Variants in GTPBP4 observed in about 807,000 individuals in gnomAD.
GTPBP4 encodes GTP binding protein 4, also known as GTP-binding protein 4.
In GTPBP4, 15 loss-of-function variants were observed where a neutral mutation model predicts 81.7. The ratio of observed to expected loss-of-function variants is 0.18; its 90% CI spans 0.12 to 0.28. The LOEUF is 0.28. GTPBP4 is among the 10% of genes least tolerant of loss of function. The pLI is 1.00. For synonymous variants in GTPBP4, 272 were observed against 274.6 expected, an observed-to-expected ratio of 0.99 and a Z score of 0.09; for missense variants, 847 against 793.8, an observed-to-expected ratio of 1.07 and a Z score of -0.81.
chr10:1,010,611 C>A lies in GTPBP4; in HGVS notation c.1344+91C>A, dbSNP rs529950495. 9.2e-5 allele frequency: 72 copies of A among 782,792 alleles called. No individual in the cohort carries two copies. The South Asian group carries it at 9.4e-4, about 10-fold the overall frequency. 48.5% of individuals were successfully genotyped at this position (782,792 alleles called of 1,614,324 possible). On this transcript the variant is annotated intron_variant, in intron 13 of 16. Transcript: ENST00000360803. ...GCAGCATGGCTTCGGCTCAGCTGGG[C>A]CTGTCCGCTTCATTCTGCACCCCTC...
chr10:1,013,177 T>A (rs546909192), intron 14 of GTPBP4, among the ~76,000 whole-genome samples: 96 of 151,450 alleles, frequency 6.3e-4, no homozygotes, highest in Middle Eastern at 3.4e-3. Flanking sequence ...GGAGATGGGG[T>A]TTCACCATGT....
rs980939876 is a variant in GTPBP4 at position 1,019,398 on chromosome 10, A to G, written c.*2171A>G. 1 of 672,322 alleles carries G rather than the reference A, an allele frequency of 1.5e-6. No homozygotes were observed. Among genetic ancestry groups the G allele is most frequent in the Admixed American group, 3.0e-5 (1 of 33,690 alleles). The allele number at this position is 672,322 out of a possible 1,614,324, so 41.6% of individuals were successfully genotyped here. A position where few individuals can be genotyped will look rare whatever the true frequency, so the allele number is the denominator to read the frequency against. On this transcript the variant is annotated 3_prime_UTR_variant, in exon 17 of 17. Coordinates refer to ENST00000360803, the MANE Select transcript of GTPBP4 (RefSeq NM_012341.3). ...AAAAGGTTGAAATAGTGATTTATAC[A>G]TGATGGGCAATCAAGTGCCCCTTTT... is the stretch of plus-strand genomic sequence containing the variant.
intron 6 of GTPBP4, among the ~76,000 whole-genome samples, chr10:999,721 G>A (rs1831590631): frequency 1.3e-5 from 2 of 152,238 alleles, no homozygotes; most frequent in African/African-American, 4.8e-5. Context: ...CACTTTGGGA[G>A]GCCAAGGCAG....
intron 8 of GTPBP4, among the ~76,000 whole-genome samples, chr10:1,005,082 G>C (rs12265902): frequency 0.051 from 7,724 of 152,190 alleles, 640 homozygotes; most frequent in African/African-American, 0.18. Context: ...CTCCTCCTGG[G>C]TCCCGTTGCA....
intron 13 of GTPBP4, 98 bp downstream of exon 13, chr10:1,010,618 G>T: frequency 1.3e-6 from 1 of 753,550 alleles, no homozygotes; most frequent in South Asian, 1.4e-5. Context: ...GGGCCTGTCC[G>T]CTTCATTCTG....
Position 1,019,748 on chromosome 10 carries a change from G to T in GTPBP4, c.*2521G>T, listed in dbSNP as rs1484469917. ...TGACGTTTTTCCTCACAAGCAGAAG[G>T]TAACAAATTTCATGCTCTCCCCAAA... On this transcript the variant is annotated 3_prime_UTR_variant, in exon 17 of 17. Transcript: ENST00000360803. 2 of 1,613,850 alleles carry T rather than the reference G, an allele frequency of 1.2e-6. No individual in the cohort carries two copies. The highest frequency in any genetic ancestry group is 2.7e-5 in the African/African-American group (2 of 74,856).
chr10:1,000,377 A>G (rs760623612), intron 6 of GTPBP4, among the ~76,000 whole-genome samples: 1 of 150,460 alleles, frequency 6.6e-6, no homozygotes, highest in African/African-American at 2.4e-5. Context: ...AGCTGGGACT[A>G]CAGGTGCCCG....
At chr10:1,008,440 A>G (rs1451397325) in intron 10 of GTPBP4, 2 of 333,806 alleles carry the variant, frequency 6.0e-6, no homozygotes, top group South Asian at 2.5e-5. Flanking sequence ...AGCATTAAAA[A>G]TTAGCTTTTT....
At chr10:997,165 TA>T in intron 4 of GTPBP4, 42 bp from the exon 5 acceptor site, 4 of 1,167,972 alleles carry the variant, frequency 3.4e-6, no homozygotes, top group Non-Finnish European at 5.2e-6. Flanking sequence ...AAGCAAATCT[TA>T]AACTTTGAAT....
intron 1 of GTPBP4, 69 bp downstream of exon 1, chr10:988,596 G>A: frequency 8.1e-7 from 1 of 1,239,472 alleles, no homozygotes; most frequent in Non-Finnish European, 1.2e-6. Context: ...GGAGGGTCCG[G>A]GCCTGTAGCC....
intron 13 of GTPBP4, among the ~76,000 whole-genome samples, chr10:1,011,723 G>A (rs1026954446): frequency 6.6e-6 from 1 of 152,212 alleles, no homozygotes; most frequent in Non-Finnish European, 1.5e-5. Context: ...AATTTCGTTG[G>A]TGCTGGAGGA....
At position 1,019,664 on chromosome 10, in the gene GTPBP4, C is replaced by T. The variant is rs752119862; in HGVS notation, c.*2437C>T. 16 of 1,614,000 alleles carry T rather than the reference C, an allele frequency of 9.9e-6. 1 individual carries two copies. The highest frequency in any genetic ancestry group is 2.2e-5 in the East Asian group (1 of 44,866). On this transcript the variant is annotated 3_prime_UTR_variant, in exon 17 of 17. Coordinates refer to ENST00000360803, the MANE Select transcript of GTPBP4 (RefSeq NM_012341.3). ...TCGCCTCCCTCTCCAGCAGCTCCCACAGCTCCTCCTGGGACAGGTAGAGGA... is the reference window on the plus strand; with the variant it reads ...TCGCCTCCCTCTCCAGCAGCTCCCATAGCTCCTCCTGGGACAGGTAGAGGA...
chr10:989,098 G>A (rs542058876), intron 1 of GTPBP4: 1 of 149,050 alleles, frequency 6.7e-6, no homozygotes, highest in African/African-American at 2.5e-5. Context: ...GAGTCAACAA[G>A]TGTTGAGTAT....
intron 2 of GTPBP4, among the ~76,000 whole-genome samples, chr10:993,614 C>T (rs895481188): frequency 2.0e-5 from 3 of 152,032 alleles, no homozygotes; most frequent in Non-Finnish European, 4.4e-5. Context: ...AGCCTTATGA[C>T]ACCATGTGTG....
rs1831535754 is a variant in GTPBP4 at position 996,225 on chromosome 10, T to C, written c.443T>C (p.Leu148Ser). Residue 148 changes from leucine (L) to serine (S), a missense_variant, in exon 4 of 17, where the codon TTG becomes TCG. Coordinates refer to ENST00000360803, the MANE Select transcript of GTPBP4 (RefSeq NM_012341.3). ...CTVIKRQKQSLEYLEQVRQHL... is the reference protein window; with the variant it reads ...CTVIKRQKQSSEYLEQVRQHL... ...GTGATCAAGAGGCAGAAGCAGAGTT[T>C]GGAGTATTTGGAGCAAGGTGCTTGT... 1 of 1,613,046 alleles carries C rather than the reference T, an allele frequency of 6.2e-7. No homozygotes were observed. The highest frequency in any genetic ancestry group is 8.5e-7 in the Non-Finnish European group (1 of 1,179,480).
intron 5 of GTPBP4, among the ~76,000 whole-genome samples, chr10:998,246 C>T (rs1405537503): frequency 6.6e-6 from 1 of 152,034 alleles, no homozygotes; most frequent in Non-Finnish European, 1.5e-5. Flanking sequence ...ACCACAGGTG[C>T]ACGCCACCGC....
In GTPBP4 at chr10:998,582, TG is replaced by T. The variant is rs567950675; in HGVS notation, c.562-419del. On this transcript the variant is annotated intron_variant, in intron 5 of 16. Transcript: ENST00000360803. ...CCGATTTGGTGGCCACTGCACTGGG[TG>T]GCTTTTTAAATTGCAGTTTAATTCA... Among the ~76,000 whole-genome samples, 14 of 152,326 alleles carry T rather than the reference TG, an allele frequency of 9.2e-5. No individual in the cohort carries two copies. The South Asian group carries it at 1.9e-3, about 20-fold the overall frequency.
chr10:1,019,277 G>A lies in GTPBP4; in HGVS notation c.*2050G>A. 1 of 467,752 alleles carries A rather than the reference G, an allele frequency of 2.1e-6. No individual in the cohort carries two copies. Among genetic ancestry groups the A allele is most frequent in the South Asian group, 2.7e-5 (1 of 36,604 alleles). The allele number at this position is 467,752 out of a possible 1,614,324, so 29.0% of individuals were successfully genotyped here. ...AACAAGTGCTTATAAAATGGAAATT[G>A]GGACAAAGGAAATGTTAAATTTCCT... On this transcript the variant is annotated 3_prime_UTR_variant, in exon 17 of 17. Coordinates refer to ENST00000360803, the MANE Select transcript of GTPBP4 (RefSeq NM_012341.3).
intron 5 of GTPBP4, 58 bp from the exon 6 acceptor site, chr10:998,945 A>G (rs1831578745): frequency 1.1e-6 from 1 of 927,166 alleles, no homozygotes; most frequent in South Asian, 1.3e-5. Context: ...TAAAACACAC[A>G]GATCCCACGT....
Sources: gnomAD v4.1 joint callset for allele counts (sites outside exome capture counted in the v4.1 genomes callset) on GRCh38, gnomAD v4.1.1 for gene constraint, MANE v1.5 for transcripts, NCBI Gene and HGNC (gene_info 2026-07-23, HGNC 2026-07-21) for gene names.